Variants in MAGI2 observed in about 807,000 individuals in gnomAD.
MAGI2 encodes the protein membrane associated guanylate kinase, WW and PDZ domain containing 2.
A neutral mutation model predicts 133.3 loss-of-function variants in MAGI2; 35 were observed. The ratio of observed to expected loss-of-function variants is 0.26; its 90% CI spans 0.20 to 0.35. The LOEUF is 0.35. MAGI2 is among the 10% of genes least tolerant of loss of function. The pLI is 1.00. For missense variants in MAGI2, 1,636 were observed against 1,863.4 expected (o/e 0.88, Z 2.25); for synonymous variants, 729 against 710.6 (o/e 1.03, Z -0.41).
chr7:79,410,084 A>G (rs1846047976), intron 1 of MAGI2: 1 of 152,102 alleles, frequency 6.6e-6, no homozygotes, highest in Non-Finnish European at 1.5e-5. Flanking sequence ...TTAAAGTGTT[A>G]ATTTTCTACT....
At chr7:78,689,888 T>C (rs894764165) in intron 2 of MAGI2, among the ~76,000 whole-genome samples, 2 of 152,108 alleles carry the variant, frequency 1.3e-5, no homozygotes, top group Non-Finnish European at 2.9e-5. Flanking sequence ...AACTTTCTTA[T>C]GTAAGTCTTA....
At position 78,288,240 on chromosome 7, in the gene MAGI2, A is replaced by C. The variant is rs146996123; in HGVS notation, c.1409-31659T>G. ...ATGAGACAGGCAGATTTAATACATA[A>C]ATTTAACATGACAATGTAATAATAA... On this transcript the variant is annotated intron_variant, in intron 9 of 21. Transcript: ENST00000354212. Among the ~76,000 whole-genome samples the C allele has an allele frequency of 1.9e-3, 283 of 152,316 alleles. 1 individual carries two copies. Among genetic ancestry groups the C allele is most frequent in the African/African-American group, 6.7e-3 (277 of 41,574 alleles).
chr7:79,364,421 G>A (rs1842560159), intron 1 of MAGI2, among the ~76,000 whole-genome samples: 1 of 152,014 alleles, frequency 6.6e-6, no homozygotes, highest in South Asian at 2.1e-4. Flanking sequence ...TTGCACCAAT[G>A]TGATCATATT....
chr7:78,305,849 C>T (rs1379488684), intron 9 of MAGI2, among the ~76,000 whole-genome samples: 1 of 152,034 alleles, frequency 6.6e-6, no homozygotes, highest in African/African-American at 2.4e-5. Context: ...TGTTTTAAAT[C>T]CACAATACAT....
intron 3 of MAGI2, among the ~76,000 whole-genome samples, chr7:78,561,823 AG>A (rs1371808232): frequency 6.6e-6 from 1 of 152,224 alleles, no homozygotes; most frequent in Non-Finnish European, 1.5e-5. Flanking sequence ...GGCTAAAGTA[AG>A]AATGAAGTAG....
chr7:79,135,539 T>C (rs1473964316), intron 1 of MAGI2, among the ~76,000 whole-genome samples: 1 of 152,094 alleles, frequency 6.6e-6, no homozygotes, highest in African/African-American at 2.4e-5. Context: ...TTAGACTAAA[T>C]GGTGAATTCG....
At chr7:78,446,771 C>T (rs967484319) in intron 6 of MAGI2, among the ~76,000 whole-genome samples, 1 of 152,044 alleles carries the variant, frequency 6.6e-6, no homozygotes, top group African/African-American at 2.4e-5. Flanking sequence ...CAAGGTTTTG[C>T]TCTTCAAATG....
chr7:78,463,322 G>A (rs1307899703), intron 6 of MAGI2, among the ~76,000 whole-genome samples: 1 of 152,200 alleles, frequency 6.6e-6, no homozygotes, highest in Admixed American at 6.5e-5. Flanking sequence ...AGTAGACAGT[G>A]AGATGATCCA....
At chr7:78,897,605 G>A (rs965441890) in intron 2 of MAGI2, among the ~76,000 whole-genome samples, 5 of 152,180 alleles carry the variant, frequency 3.3e-5, no homozygotes, top group Admixed American at 3.3e-4. Flanking sequence ...GATTGCCTTG[G>A]CTATCTGGGC....
At chr7:78,776,152 C>T (rs865786262) in intron 2 of MAGI2, among the ~76,000 whole-genome samples, 2 of 152,282 alleles carry the variant, frequency 1.3e-5, no homozygotes, top group South Asian at 2.1e-4. Flanking sequence ...CTATTATGTT[C>T]TCATTAAGTG....
intron 2 of MAGI2, among the ~76,000 whole-genome samples, chr7:78,929,382 C>T (rs922282265): frequency 2.0e-5 from 3 of 152,060 alleles, no homozygotes; most frequent in Non-Finnish European, 4.4e-5. Context: ...TTTACCATTG[C>T]TGCTGTAACA....
chr7:78,581,011 T>C (rs555421954), intron 3 of MAGI2, among the ~76,000 whole-genome samples: 1 of 152,196 alleles, frequency 6.6e-6, no homozygotes, highest in Non-Finnish European at 1.5e-5. Flanking sequence ...TTATAGTCTT[T>C]TTGAATTATG....
At chr7:78,216,844 C>T (rs1015467933) in intron 10 of MAGI2, among the ~76,000 whole-genome samples, 8 of 152,190 alleles carry the variant, frequency 5.3e-5, no homozygotes, top group African/African-American at 1.9e-4. Context: ...TGCTATATTA[C>T]ACTTCTTGGG....
At chr7:79,277,890 A>G (rs562248133) in intron 1 of MAGI2, among the ~76,000 whole-genome samples, 202 of 152,280 alleles carry the variant, frequency 1.3e-3, no homozygotes, top group African/African-American at 4.6e-3. Flanking sequence ...CCTATCTCCC[A>G]GTATCTGTAA....
chr7:79,177,383 T>G (rs1019518022), intron 1 of MAGI2, among the ~76,000 whole-genome samples: 1 of 152,078 alleles, frequency 6.6e-6, no homozygotes, highest in Admixed American at 6.6e-5. Flanking sequence ...TTTTATCATT[T>G]TATGTATATT....
intron 2 of MAGI2, among the ~76,000 whole-genome samples, chr7:78,888,805 T>C (rs1796483894): frequency 6.6e-6 from 1 of 151,930 alleles, no homozygotes; most frequent in South Asian, 2.1e-4. Context: ...AACTGGAAAC[T>C]CTAAAAATCA....
chr7:79,399,079 C>CTTTTCTTT lies in MAGI2; in HGVS notation c.301+53940_301+53941insAAAGAAAA, dbSNP rs1585840184. ...CATCTTCAATTCACTAGTATTATTT[C>CTTTTCTTT]TTTTTTTTTTCTTTTCTTTTTTTTT... On this transcript the variant is annotated intron_variant, in intron 1 of 21. Transcript: ENST00000354212. Among the ~76,000 whole-genome samples the CTTTTCTTT allele has an allele frequency of 1.7e-4, 20 of 114,654 alleles. 1 individual carries two copies. Among genetic ancestry groups the CTTTTCTTT allele is most frequent in the East Asian group, 1.2e-3 (4 of 3,414 alleles). The allele number at this position is 114,654 out of a possible 152,430, so 75.2% of individuals were successfully genotyped here. A position where few individuals can be genotyped will look rare whatever the true frequency, so the allele number is the denominator to read the frequency against.
At chr7:78,102,557 C>G (rs780301048) in intron 20 of MAGI2, among the ~76,000 whole-genome samples, 1 of 152,086 alleles carries the variant, frequency 6.6e-6, no homozygotes, top group African/African-American at 2.4e-5. Flanking sequence ...CCCTTTCCCC[C>G]ACAAAAAGAC....
chr7:78,686,118 GA>G (rs1334259557), intron 2 of MAGI2, among the ~76,000 whole-genome samples: 3 of 56,352 alleles, frequency 5.3e-5, no homozygotes, highest in South Asian at 4.8e-4. Context: ...GATGAAATGT[GA>G]TTTTTTTTTT....
Sources: allele counts gnomAD v4.1 joint callset (sites outside exome capture counted in the v4.1 genomes callset), GRCh38; gene constraint gnomAD v4.1.1; transcripts MANE v1.5; gene names NCBI Gene and HGNC (gene_info 2026-07-23, HGNC 2026-07-21).